Variants in SLC22A25 observed in about 807,000 individuals in gnomAD.
SLC22A25 encodes the protein solute carrier family 22 member 25, also known as MGI:2442751, MGI:2385316, MGI:3042283, MGI:3645714, MGI:3605624, MGI:2442750.
Under a neutral mutation model 45.9 loss-of-function variants are expected in SLC22A25, and 44 were observed. That is an observed-to-expected ratio of 0.96 (90% CI 0.75 to 1.23). SLC22A25 has a LOEUF of 1.23. SLC22A25 is among the 50% of genes most tolerant of loss of function. The probability of loss-of-function intolerance (pLI) is 0.00; values close to 1 mark genes in which losing one functional copy is unlikely to be tolerated. For synonymous variants in SLC22A25, 283 were observed against 238.6 expected (o/e 1.19, Z -1.72); for missense variants, 800 against 666.4 (o/e 1.20, Z -2.21).
At chr11:63,168,424 A>G (rs1019661706) in intron 9 of SLC22A25, among the ~76,000 whole-genome samples, 2 of 152,178 alleles carry the variant, frequency 1.3e-5, no homozygotes, top group Admixed American at 1.3e-4. Context: ...ACCTTAATAG[A>G]AGGTTGCAGG....
chr11:63,224,747 C>G (rs938856818), intron 5 of SLC22A25, among the ~76,000 whole-genome samples: 10 of 152,218 alleles, frequency 6.6e-5, no homozygotes, highest in Admixed American at 1.3e-4. Context: ...TTACCTCGAT[C>G]TCTCTGCTTT....
At chr11:63,169,880 C>T (rs748726310) in intron 9 of SLC22A25, among the ~76,000 whole-genome samples, 25 of 152,258 alleles carry the variant, frequency 1.6e-4, no homozygotes, top group South Asian at 1.5e-3. Context: ...AGCACCACAT[C>T]GCACTTATTC....
At chr11:63,207,654 AAAAG>A (rs1030660109) in intron 7 of SLC22A25, among the ~76,000 whole-genome samples, 26 of 152,304 alleles carry the variant, frequency 1.7e-4, no homozygotes, top group African/African-American at 4.6e-4. Flanking sequence ...CCCCCTGAGA[AAAAG>A]AAAGAGCTGG....
chr11:63,167,812 C>T (rs1023396208), intron 9 of SLC22A25: 2 of 193,714 alleles, frequency 1.0e-5, no homozygotes, highest in Non-Finnish European at 2.2e-5. Context: ...TGCTTGAGCT[C>T]TGCTAAGGGA....
chr11:63,238,689 T>A, intron 2 of SLC22A25, 28 bp downstream of exon 2: 1 of 176,046 alleles, frequency 5.7e-6, no homozygotes. Context: ...TGTAGTTGTG[T>A]ATGTAGGAGG....
At chr11:63,208,530 C>T (rs1181182837) in intron 7 of SLC22A25, among the ~76,000 whole-genome samples, 1 of 152,122 alleles carries the variant, frequency 6.6e-6, no homozygotes, top group Non-Finnish European at 1.5e-5. Flanking sequence ...AGGCTCATTT[C>T]ATCTGATAGG....
chr11:63,205,111 G>T (rs1227654579), intron 7 of SLC22A25, among the ~76,000 whole-genome samples: 2 of 152,014 alleles, frequency 1.3e-5, no homozygotes, highest in Non-Finnish European at 2.9e-5. Flanking sequence ...TTCTGAACCC[G>T]ATGGGAACAA....
intron 1 of SLC22A25, among the ~76,000 whole-genome samples, chr11:63,239,664 A>G (rs1264121161): frequency 6.6e-6 from 1 of 152,222 alleles, no homozygotes; most frequent in Non-Finnish European, 1.5e-5. Context: ...CCCCTTTAAC[A>G]GCTCTCTGCT....
intron 3 of SLC22A25, among the ~76,000 whole-genome samples, chr11:63,235,460 G>C (rs1270020983): frequency 6.6e-6 from 1 of 152,104 alleles, no homozygotes; most frequent in African/African-American, 2.4e-5. Context: ...TTGTGCATTT[G>C]TCACGTAGTT....
In SLC22A25 at chr11:63,171,692, A is replaced by C. The variant is rs548949524; in HGVS notation, c.1071-5434T>G. Among the ~76,000 whole-genome samples the C allele has an allele frequency of 5.9e-5, 9 of 152,314 alleles. No individual in the cohort carries two copies. In the South Asian group the frequency reaches 1.9e-3, roughly 32 times the overall value. On this transcript the variant is annotated intron_variant, in intron 9 of 11. Transcript: ENST00000306494. ...ACAAATGGAAAAACATTCCATGCTC[A>C]TGGATAGAAAGAATCAATATCATGA... is the stretch of plus-strand genomic sequence containing the variant.
At chr11:63,170,509 C>G (rs890951260) in intron 9 of SLC22A25, among the ~76,000 whole-genome samples, 2 of 152,134 alleles carry the variant, frequency 1.3e-5, no homozygotes, top group African/African-American at 2.4e-5. Context: ...CACAGAAATA[C>G]AAACTACCGT....
intron 3 of SLC22A25, among the ~76,000 whole-genome samples, chr11:63,235,285 T>C (rs1056217962): frequency 3.3e-5 from 5 of 152,244 alleles, no homozygotes; most frequent in Non-Finnish European, 7.3e-5. Flanking sequence ...GTACACCAGT[T>C]AGACGTAGAT....
At chr11:63,164,156 G>A in intron 11 of SLC22A25, 83 bp from the exon 12 acceptor site, 1 of 1,490,512 alleles carries the variant, frequency 6.7e-7, no homozygotes, top group Non-Finnish European at 9.0e-7. Flanking sequence ...TGTGATTATG[G>A]ATGAGCACTT....
In SLC22A25 at chr11:63,243,575, A is replaced by G; in HGVS notation, c.-1137T>C. On this transcript the variant is annotated 5_prime_UTR_variant, in exon 1 of 12. An upstream start codon of the reference 5' UTR is lost. Coordinates refer to ENST00000306494, the MANE Select transcript of SLC22A25 (RefSeq NM_199352.6). The stretch of plus-strand genomic sequence containing the variant: ...GCTGTGCATTTATACCGACAACTCC[A>G]TCAAGCCTCAGGAGCTGCTGGAGTG... 2 of 765,020 alleles carry G rather than the reference A, an allele frequency of 2.6e-6. No homozygotes were observed. The highest frequency in any genetic ancestry group is 4.9e-6 in the Non-Finnish European group (2 of 410,200). The allele number at this position is 765,020 out of a possible 1,614,324, so 47.4% of individuals were successfully genotyped here. A position where few individuals can be genotyped will look rare whatever the true frequency, so the allele number is the denominator to read the frequency against.
intron 5 of SLC22A25, among the ~76,000 whole-genome samples, chr11:63,221,829 A>T (rs2089859829): frequency 6.6e-6 from 1 of 151,982 alleles, no homozygotes; most frequent in Non-Finnish European, 1.5e-5. Flanking sequence ...TAGGGGTCTA[A>T]TTTTATTCTT....
intron 8 of SLC22A25, among the ~76,000 whole-genome samples, chr11:63,182,891 A>C (rs2088379740): frequency 6.6e-6 from 1 of 152,058 alleles, no homozygotes; most frequent in Non-Finnish European, 1.5e-5. Context: ...TCTTGTCTTC[A>C]TTAACATTCT....
chr11:63,206,012 T>C (rs976618153), intron 7 of SLC22A25, among the ~76,000 whole-genome samples: 3 of 151,640 alleles, frequency 2.0e-5, no homozygotes, highest in East Asian at 1.9e-4. Flanking sequence ...ATCCATCACA[T>C]AAACAGAACA....
At chr11:63,170,114 G>A (rs557207037) in intron 9 of SLC22A25, among the ~76,000 whole-genome samples, 2 of 151,996 alleles carry the variant, frequency 1.3e-5, no homozygotes, top group South Asian at 2.1e-4. Context: ...TATTTGAAAC[G>A]AATGAGAACA....
intron 5 of SLC22A25, among the ~76,000 whole-genome samples, chr11:63,218,938 AAC>A (rs763784497): frequency 3.7e-4 from 57 of 152,212 alleles, no homozygotes; most frequent in South Asian, 6.2e-4. Context: ...TTCTACCAAA[AAC>A]ACACATGCAC....
Sources: gnomAD v4.1 joint callset for allele counts (sites outside exome capture counted in the v4.1 genomes callset) on GRCh38, gnomAD v4.1.1 for gene constraint, MANE v1.5 for transcripts, NCBI Gene and HGNC (gene_info 2026-07-23, HGNC 2026-07-21) for gene names.